Variants in PCDHA3 observed in about 807,000 individuals in gnomAD.
The protein encoded by PCDHA3 is protocadherin alpha 3.
In PCDHA3, 41 loss-of-function variants were observed where a neutral mutation model predicts 62.2. That is an observed-to-expected ratio of 0.66 (90% confidence interval 0.51 to 0.86). The LOEUF (loss-of-function observed/expected upper bound fraction) is 0.86, where lower values mean the gene tolerates loss of function less well. Ranked by LOEUF, PCDHA3 falls within the 40% of genes least tolerant of loss-of-function variation. PCDHA3 has a pLI of 0.00. For missense variants in PCDHA3, 1,304 were observed against 1,241.2 expected, an observed-to-expected ratio of 1.05 and a Z score of -0.76; for synonymous variants, 640 against 555.4, an observed-to-expected ratio of 1.15 and a Z score of -2.14.
chr5:140,856,146 C>CA, intron 1 of PCDHA3: 2 of 1,598,308 alleles, frequency 1.3e-6, no homozygotes, highest in Non-Finnish European at 1.7e-6. Context: ...CTCCACTACT[C>CA]AGTCTACGAG....
intron 1 of PCDHA3, chr5:140,848,872 T>C: frequency 6.3e-7 from 1 of 1,590,738 alleles, no homozygotes; most frequent in Non-Finnish European, 8.6e-7. Flanking sequence ...GTGAAGGACA[T>C]TAACGACAAC....
At chr5:140,805,388 T>A in intron 1 of PCDHA3, 2 of 1,093,934 alleles carry the variant, frequency 1.8e-6, no homozygotes, top group Non-Finnish European at 1.1e-6. Context: ...GTACTCTGGT[T>A]TCTGTTTGAT....
At chr5:140,995,214 CTCT>C (rs1563606225) in intron 3 of PCDHA3, among the ~76,000 whole-genome samples, 1 of 152,136 alleles carries the variant, frequency 6.6e-6, no homozygotes, top group East Asian at 1.9e-4. Flanking sequence ...AGGCACAATA[CTCT>C]TGTGCTTTGG....
At chr5:140,960,273 C>T (rs1490527862) in intron 1 of PCDHA3, among the ~76,000 whole-genome samples, 1 of 152,148 alleles carries the variant, frequency 6.6e-6, no homozygotes, top group Non-Finnish European at 1.5e-5. Context: ...AATTCCGTCA[C>T]CTTTTTGGGA....
intron 1 of PCDHA3, among the ~76,000 whole-genome samples, chr5:140,890,187 CAG>C (rs2062529084): frequency 1.3e-5 from 2 of 152,228 alleles, no homozygotes; most frequent in South Asian, 4.1e-4. Context: ...TGCTACAAAA[CAG>C]AGTTTTTTGT....
At chr5:140,971,434 A>T (rs1243393478) in intron 1 of PCDHA3, among the ~76,000 whole-genome samples, 1 of 152,188 alleles carries the variant, frequency 6.6e-6, no homozygotes, top group Non-Finnish European at 1.5e-5. Flanking sequence ...GAACCCCAAG[A>T]TCTACAGCTC....
intron 1 of PCDHA3, among the ~76,000 whole-genome samples, chr5:140,903,138 A>T (rs188809018): frequency 6.6e-6 from 1 of 152,258 alleles, no homozygotes; most frequent in East Asian, 1.9e-4. Context: ...AAATCTCCAA[A>T]CTGTTTTCCA....
chr5:140,879,010 G>T (rs2057809352), intron 1 of PCDHA3, among the ~76,000 whole-genome samples: 1 of 152,200 alleles, frequency 6.6e-6, no homozygotes, highest in African/African-American at 2.4e-5. Context: ...CTAGAAATCA[G>T]ATAATGTTTT....
At chr5:140,816,654 C>T (rs1554127103) in intron 1 of PCDHA3, 1 of 152,082 alleles carries the variant, frequency 6.6e-6, no homozygotes, top group Non-Finnish European at 1.5e-5. Flanking sequence ...CTCTTCCAGT[C>T]TTTATGGACT....
At position 140,983,424 on chromosome 5, in the gene PCDHA3, A is replaced by G. The variant is rs115903969; in HGVS notation, c.2542+861A>G. On this transcript the variant is annotated intron_variant, in intron 3 of 3. Transcript: ENST00000522353. ...GGAAGATTAAGTGTTGGTAGAGACC[A>G]CAAATTGTGTCTACTCTAATCCTCT... Among the ~76,000 whole-genome samples, 1,234 of 152,366 alleles carry G rather than the reference A, an allele frequency of 8.1e-3. 22 individuals are homozygous for G. Among genetic ancestry groups the G allele is most frequent in the African/African-American group, 0.028 (1,160 of 41,578 alleles).
At chr5:140,819,691 G>A (rs1766600381) in intron 1 of PCDHA3, among the ~76,000 whole-genome samples, 1 of 152,062 alleles carries the variant, frequency 6.6e-6, no homozygotes, top group Admixed American at 6.5e-5. Flanking sequence ...ACAAATGCAA[G>A]TGATAATTTA....
rs548886698 is a variant in PCDHA3 at position 140,887,948 on chromosome 5, T to A, written c.2394+84357T>A. 7.1e-4 allele frequency among the ~76,000 whole-genome samples: 108 copies of A among 152,348 alleles called. 2 individuals carry two copies. Among genetic ancestry groups the A allele is most frequent in the Admixed American group, 7.0e-3 (107 of 15,298 alleles). On this transcript the variant is annotated intron_variant, in intron 1 of 3. Transcript: ENST00000522353. ...AGACCATATTTATTTCTTATCTGTA[T>A]AAGATTCTTTTTGTCTCTTTTAAAA... is the stretch of plus-strand genomic sequence containing the variant.
intron 1 of PCDHA3, chr5:140,817,577 T>G (rs1766160739): frequency 1.3e-5 from 2 of 152,348 alleles, no homozygotes; most frequent in South Asian, 2.1e-4. Context: ...ATTAAATCAA[T>G]AATTTTAATA....
chr5:140,834,483 T>C (rs1387248014), intron 1 of PCDHA3: 12 of 1,614,016 alleles, frequency 7.4e-6, no homozygotes, highest in Admixed American at 1.7e-5. Context: ...GCTCCACTAC[T>C]CGGTCCCCGA....
At position 140,932,218 on chromosome 5, in the gene PCDHA3, T is replaced by G. The variant is rs556134668; in HGVS notation, c.2395-46731T>G. ...TCTGTTAATATTCTTGATGGGCAATTTAAATTTTTTAGAATGGTATCTAAG... is the reference window on the plus strand; with the variant it reads ...TCTGTTAATATTCTTGATGGGCAATGTAAATTTTTTAGAATGGTATCTAAG... On this transcript the variant is annotated intron_variant, in intron 1 of 3. Coordinates refer to ENST00000522353, the MANE Select transcript of PCDHA3 (RefSeq NM_018906.3). Among the ~76,000 whole-genome samples, 20 of 152,034 alleles carry G rather than the reference T, an allele frequency of 1.3e-4. 1 individual carries two copies. Among genetic ancestry groups the G allele is most frequent in the Middle Eastern group, 3.4e-3 (1 of 292 alleles).
chr5:140,919,648 G>A (rs1482168238), intron 1 of PCDHA3, among the ~76,000 whole-genome samples: 7 of 151,936 alleles, frequency 4.6e-5, no homozygotes, highest in Non-Finnish European at 7.4e-5. Flanking sequence ...TTTCTCTAGA[G>A]TTTACCATAT....
chr5:140,838,002 T>A (rs183534156), intron 1 of PCDHA3, among the ~76,000 whole-genome samples: 97 of 151,706 alleles, frequency 6.4e-4, no homozygotes, highest in South Asian at 2.7e-3. Context: ...TCCTTTTTTT[T>A]AAAAAAAGAA....
chr5:140,849,102 G>A, intron 1 of PCDHA3: 1 of 1,468,874 alleles, frequency 6.8e-7, no homozygotes, highest in Non-Finnish European at 9.2e-7. Context: ...TTTAGACAGA[G>A]AAGAAACTCC....
rs77488964 is a variant in PCDHA3, at chr5:140,929,006, C to T, written c.2395-49943C>T. The T allele has an allele frequency of 3.2e-3, 5,179 of 1,614,048 alleles. 25 individuals carry two copies. Among genetic ancestry groups the T allele is most frequent in the African/African-American group, 0.019 (1,447 of 75,028 alleles). ...GGGTGCTTACTTTTCTTCGTGTGTA[C>T]CAAGTTGCACCAGAGCCCAGGCTGT... is the stretch of plus-strand genomic sequence containing the variant. On this transcript the variant is annotated intron_variant, in intron 1 of 3. Coordinates refer to ENST00000522353, the MANE Select transcript of PCDHA3 (RefSeq NM_018906.3).
Sources: gnomAD v4.1 joint callset for allele counts (sites outside exome capture counted in the v4.1 genomes callset) on GRCh38, gnomAD v4.1.1 for gene constraint, MANE v1.5 for transcripts, NCBI Gene and HGNC (gene_info 2026-07-23, HGNC 2026-07-21) for gene names.